The following PSMD8 variants were observed in gnomAD, a reference collection of about 807,000 sequenced individuals.
The protein encoded by PSMD8 is proteasome 26S subunit, non-ATPase 8.
In PSMD8, 30 loss-of-function variants were observed where a neutral mutation model predicts 40.0. The observed-to-expected ratio is 0.75, with a 90% CI of 0.56 to 1.02. PSMD8 has a LOEUF of 1.02. PSMD8 is among the 50% of genes least tolerant of loss of function. PSMD8 has a pLI of 0.00. For synonymous variants in PSMD8, 208 were observed against 192.5 expected (o/e 1.08, Z -0.67); for missense variants, 461 against 463.9 (o/e 0.99, Z 0.06).
chr19:38,382,411 C>A lies in PSMD8; in HGVS notation c.915+183C>A. On this transcript the variant is annotated intron_variant, in intron 6 of 6. Transcript: ENST00000215071. ...TCTATCCACAGAATGGGGCTAGATA[C>A]ATGGGATGAGCTTAGTACCTGGCAG... 6.4e-6 allele frequency: 4 copies of A among 629,746 alleles called. No individual in the cohort carries two copies. The South Asian group carries it at 7.3e-5, about 12-fold the overall frequency. 39.0% of individuals were successfully genotyped at this position (629,746 alleles called of 1,614,324 possible).
In PSMD8 at chr19:38,376,455, G is replaced by C; in HGVS notation, c.536+1G>C. The C allele has an allele frequency of 6.5e-7, 1 of 1,547,714 alleles. No individual in the cohort carries two copies. ...TCAAATGCTACTACTTTGATTACAAGTGAGAATGGGCCCTGCCCCCAACTG... is the reference window on the plus strand; with the variant it reads ...TCAAATGCTACTACTTTGATTACAACTGAGAATGGGCCCTGCCCCCAACTG... On this transcript the variant is annotated splice_donor_variant, in intron 3 of 6. Transcript: ENST00000215071. LOFTEE classifies it high-confidence loss of function.
chr19:38,379,111 G>T, intron 3 of PSMD8, 129 bp from the exon 4 acceptor site: 1 of 932,556 alleles, frequency 1.1e-6, no homozygotes, highest in Non-Finnish European at 1.6e-6. Context: ...TTCCTCATAT[G>T]AAAACCCAGG....
chr19:38,379,406 G>C lies in PSMD8; in HGVS notation c.702+1G>C. 1 of 1,613,926 alleles carries C rather than the reference G, an allele frequency of 6.2e-7. No homozygotes were observed. Among genetic ancestry groups the C allele is most frequent in the Non-Finnish European group, 8.5e-7 (1 of 1,179,850 alleles). ...CAAGCACCCAGTGTCCCTGGAGCAAGTGAGATGGCAAGGGGCAGGGGAGGA... is the reference window on the plus strand; with the variant it reads ...CAAGCACCCAGTGTCCCTGGAGCAACTGAGATGGCAAGGGGCAGGGGAGGA... On this transcript the variant is annotated splice_donor_variant, in intron 4 of 6. Transcript: ENST00000215071. LOFTEE classifies it high-confidence loss of function.
chr19:38,380,707 A>AGAGAGAGT (rs1555743507), intron 4 of PSMD8, among the ~76,000 whole-genome samples, 192 bp from the exon 5 acceptor site: 2,473 of 120,768 alleles, frequency 0.02, 25 homozygotes, highest in Non-Finnish European at 0.024. Context: ...AGAGAGAGAG[A>AGAGAGAGT]GTGTGTGTGT....
chr19:38,383,397 C>CG lies in PSMD8; in HGVS notation c.*10dup, dbSNP rs886299908. On this transcript the variant is annotated 3_prime_UTR_variant, in exon 7 of 7. Transcript: ENST00000215071. The stretch of plus-strand genomic sequence containing the variant: ...GCTGGAGATGATCGTCTGAGCCCCC[C>CG]GGGCACTGGGTGGGGCAGGGCACGA... 4 of 1,613,818 alleles carry CG rather than the reference C, an allele frequency of 2.5e-6. No homozygotes were observed. The highest frequency in any genetic ancestry group is 3.4e-6 in the Non-Finnish European group (4 of 1,179,872).
rs116050862 is a variant in PSMD8, at chr19:38,382,259, G to A, written c.915+31G>A. ...TGGGGTACAGGGCAAGGGGCCGTGG[G>A]ACCAAGGGGTGAAGTCACTAACAAC... On this transcript the variant is annotated intron_variant, in intron 6 of 6. Coordinates refer to ENST00000215071, the MANE Select transcript of PSMD8 (RefSeq NM_002812.5). 1.4e-3 allele frequency: 2,093 copies of A among 1,522,480 alleles called. 30 individuals are homozygous for A. The African/African-American group carries it at 0.026, about 19-fold the overall frequency. 94.3% of individuals were successfully genotyped at this position (1,522,480 alleles called of 1,614,324 possible).
intron 5 of PSMD8, 75 bp from the exon 6 acceptor site, chr19:38,382,042 C>T: frequency 9.8e-7 from 1 of 1,021,400 alleles, no homozygotes; most frequent in Non-Finnish European, 1.5e-6. Flanking sequence ...AGAGCTGACA[C>T]ATGTCAGGTC....
At chr19:38,377,935 C>T (rs147883441) in intron 3 of PSMD8, among the ~76,000 whole-genome samples, 2,209 of 152,326 alleles carry the variant, frequency 0.015, 23 homozygotes, top group South Asian at 0.027. Context: ...CCACCGCGCC[C>T]GGCCAGTAAC....
At chr19:38,382,958 T>C in intron 6 of PSMD8, 1 of 353,258 alleles carries the variant, frequency 2.8e-6, no homozygotes, top group Non-Finnish European at 5.2e-6. Flanking sequence ...ATTTTAGTGA[T>C]GGTGACAGCT....
rs370473401 is a variant in PSMD8 at position 38,381,014 on chromosome 19, C to T, written c.803+15C>T. On this transcript the variant is annotated intron_variant, in intron 5 of 6. Coordinates refer to ENST00000215071, the MANE Select transcript of PSMD8 (RefSeq NM_002812.5). ...GACACTATCAGGTGCGTAGCGGGGCCGGGCCCTGTGGAGTTTGGAAAGAAC... is the reference window on the plus strand; with the variant it reads ...GACACTATCAGGTGCGTAGCGGGGCTGGGCCCTGTGGAGTTTGGAAAGAAC... 1.6e-5 allele frequency: 24 copies of T among 1,537,698 alleles called. No homozygotes were observed. The South Asian group carries it at 1.6e-4, about 10-fold the overall frequency.
intron 6 of PSMD8, 97 bp downstream of exon 6, chr19:38,382,325 C>A: frequency 1.0e-6 from 1 of 960,916 alleles, no homozygotes; most frequent in Non-Finnish European, 1.6e-6. Context: ...CAAGACTGCC[C>A]AGGTTTAAGT....
rs1318869204 is a variant in PSMD8 at position 38,374,766 on chromosome 19, C to A, written c.165C>A (p.Gly55=). ...GTAGGCGGCGCTGCCGTAAATCAGGCGGTCTGCTTGCCGCATCACGCAAGA... is the reference window on the plus strand; with the variant it reads ...GTAGGCGGCGCTGCCGTAAATCAGGAGGTCTGCTTGCCGCATCACGCAAGA... ...SVCRRRCRKS[G]GLLAASRKMA... Residue 55 remains glycine, a synonymous_variant, in exon 1 of 7, where the codon GGC becomes GGA. Coordinates refer to ENST00000215071, the MANE Select transcript of PSMD8 (RefSeq NM_002812.5). 3 of 1,565,122 alleles carry A rather than the reference C, an allele frequency of 1.9e-6. No homozygotes were observed. Among genetic ancestry groups the A allele is most frequent in the African/African-American group, 1.4e-5 (1 of 74,058 alleles).
At chr19:38,383,209 C>G (rs1157087082) in intron 6 of PSMD8, 44 bp from the exon 7 acceptor site, 1 of 1,611,122 alleles carries the variant, frequency 6.2e-7, no homozygotes, top group Non-Finnish European at 8.5e-7. Context: ...GGGATGGAGC[C>G]TTTGTGATCA....
rs201001430 is a variant in PSMD8 at position 38,374,832 on chromosome 19, C to G, written c.231C>G (p.Ser77Arg). 1.9e-6 allele frequency: 3 copies of G among 1,575,798 alleles called. No individual in the cohort carries two copies. In the South Asian group the frequency reaches 3.4e-5, roughly 18 times the overall value. ...AAVNGAAGFS[S>R]SGPAATSGAV... ...TGAACGGGGCGGCAGGCTTCTCGAG[C>G]TCCGGGCCCGCGGCAACCTCGGGCG... Residue 77 changes from serine (S) to arginine (R), a missense_variant, in exon 1 of 7, where the codon AGC (serine) becomes AGG (arginine). Ser to Arg is a moderately radical substitution (Grantham distance 110, BLOSUM62 -1). This residue lies in a region of PSMD8 where 225 missense variants were observed against 142.7 expected (regional missense o/e 1.58). Coordinates refer to ENST00000215071, the MANE Select transcript of PSMD8 (RefSeq NM_002812.5).
Position 38,383,536 on chromosome 19 carries a change from T to A in PSMD8, c.*146T>A. ...CGGCAGAGAGACAAGTTCTTATATCTGAAGAACTTGGAGGTTTTGGGGCAT... is the reference window on the plus strand; with the variant it reads ...CGGCAGAGAGACAAGTTCTTATATCAGAAGAACTTGGAGGTTTTGGGGCAT... On this transcript the variant is annotated 3_prime_UTR_variant, in exon 7 of 7. Coordinates refer to ENST00000215071, the MANE Select transcript of PSMD8 (RefSeq NM_002812.5). 1 of 1,115,860 alleles carries A rather than the reference T, an allele frequency of 9.0e-7. No homozygotes were observed. Among genetic ancestry groups the A allele is most frequent in the Non-Finnish European group, 1.3e-6 (1 of 787,096 alleles). 69.1% of individuals were successfully genotyped at this position (1,115,860 alleles called of 1,614,324 possible).
rs748006389 is a variant in PSMD8, at chr19:38,379,336, G to A, written c.633G>A (p.Glu211=). 9.0e-5 allele frequency: 145 copies of A among 1,613,928 alleles called. No individual in the cohort carries two copies. Among genetic ancestry groups the A allele is most frequent in the Non-Finnish European group, 1.2e-4 (144 of 1,179,900 alleles). Residue 211 remains glutamate, a synonymous_variant, in exon 4 of 7, where the codon GAG becomes GAA. Transcript: ENST00000215071. The part of the protein sequence containing the change: ...SQNRVAEFHT[E]LERLPAKDIQ... The stretch of plus-strand genomic sequence containing the variant: ...ACCGGGTGGCTGAGTTCCACACGGA[G>A]TTGGAGCGGCTGCCTGCCAAGGACA...
chr19:38,381,585 GTGGTAGCCAGTACCCACTACCTACCGCA>G, intron 5 of PSMD8, among the ~76,000 whole-genome samples: 1 of 152,326 alleles, frequency 6.6e-6, no homozygotes, highest in Admixed American at 6.5e-5. Flanking sequence ...CGAGTGAGGA[GTGGTAGCCAGTACCCACTACCTACCGCA>G]TGGCCTAAGC....
chr19:38,380,772 G>T, intron 4 of PSMD8, 127 bp from the exon 5 acceptor site: 1 of 659,902 alleles, frequency 1.5e-6, no homozygotes, highest in Non-Finnish European at 2.5e-6. Context: ...GGGGTACCCA[G>T]GGCAGGGGTG....
At position 38,374,574 on chromosome 19, in the gene PSMD8, T is replaced by G; in HGVS notation, c.-28T>G. The G allele has an allele frequency of 6.9e-7, 1 of 1,440,184 alleles. No individual in the cohort carries two copies. Among genetic ancestry groups the G allele is most frequent in the Non-Finnish European group, 9.1e-7 (1 of 1,100,136 alleles). 89.2% of individuals were successfully genotyped at this position (1,440,184 alleles called of 1,614,324 possible). ...GCCAACTTCCGGTCACCATCTTGAG[T>G]GACGACAGAGGCGGAGCTCCAACTG... On this transcript the variant is annotated 5_prime_UTR_variant, in exon 1 of 7. Transcript: ENST00000215071.
Sources: allele counts gnomAD v4.1 joint callset (sites outside exome capture counted in the v4.1 genomes callset), GRCh38; gene constraint gnomAD v4.1.1; regional missense constraint gnomAD v4.1.1; transcripts MANE v1.5; gene names NCBI Gene and HGNC (gene_info 2026-07-23, HGNC 2026-07-21).